Variants in A2M observed in about 807,000 individuals in gnomAD.
A2M encodes the protein C3 and PZP-like alpha-2-macroglobulin domain-containing protein 5.
A neutral mutation model predicts 183.9 loss-of-function variants in A2M; 128 were observed. The observed-to-expected ratio is 0.70, with a 90% confidence interval of 0.60 to 0.81. A2M has a LOEUF of 0.81. Among genes scored for constraint, A2M ranks in the 30% least tolerant of loss-of-function variants. The pLI, the probability that A2M is intolerant of heterozygous loss-of-function variation, is 0.00. For missense variants in A2M, 1,495 were observed against 1,787.6 expected (o/e 0.84, Z 2.95); for synonymous variants, 592 against 670.8 (o/e 0.88, Z 1.81).
At chr12:9,107,963 C>CAAACA (rs1040596963) in intron 7 of A2M, among the ~76,000 whole-genome samples, 2 of 151,472 alleles carry the variant, frequency 1.3e-5, no homozygotes, top group African/African-American at 4.9e-5. Context: ...CAAGACGAAA[C>CAAACA]AAACAAAACA....
intron 23 of A2M, 69 bp from the exon 24 acceptor site, chr12:9,079,884 A>T: frequency 7.3e-7 from 1 of 1,377,770 alleles, no homozygotes; most frequent in Non-Finnish European, 9.6e-7. Flanking sequence ...ATTAAGCAGA[A>T]ATAATTAGTT....
At chr12:9,111,985 TA>T (rs1938761489) in intron 4 of A2M, 173 bp downstream of exon 4, 1 of 777,328 alleles carries the variant, frequency 1.3e-6, no homozygotes, top group South Asian at 1.4e-5. Flanking sequence ...AAGAATTACC[TA>T]CTTTCTTTAC....
intron 22 of A2M, among the ~76,000 whole-genome samples, chr12:9,082,718 C>T (rs751834350): frequency 6.6e-6 from 1 of 152,152 alleles, no homozygotes; most frequent in Non-Finnish European, 1.5e-5. Context: ...AAATAAAGAT[C>T]TATGAAATCA....
intron 4 of A2M, among the ~76,000 whole-genome samples, chr12:9,111,185 A>G (rs191243485): frequency 6.6e-6 from 1 of 152,342 alleles, no homozygotes; most frequent in East Asian, 1.9e-4. Context: ...ACTAATCTTT[A>G]TTAAGTACCT....
intron 33 of A2M, 68 bp downstream of exon 33, chr12:9,069,677 C>T: frequency 5.7e-6 from 7 of 1,221,826 alleles, no homozygotes; most frequent in South Asian, 3.0e-5. Context: ...ATGCATTTAC[C>T]TTCCCAGATG....
chr12:9,095,862 C>T (rs1949364425), intron 15 of A2M, among the ~76,000 whole-genome samples, 162 bp from the exon 16 acceptor site: 5 of 150,486 alleles, frequency 3.3e-5, no homozygotes, highest in Admixed American at 3.3e-4. Flanking sequence ...CGGGTTCACG[C>T]CATTCTCCTG....
chr12:9,112,145 A>G lies in A2M; in HGVS notation c.483+14T>C, dbSNP rs776737255. ...ATACAGACAATCATTTTATGTAGAT[A>G]ATAGAAAACTCACCAACTCATTCAG... On this transcript the variant is annotated intron_variant, in intron 4 of 35. Transcript: ENST00000318602. 2 of 1,613,060 alleles carry G rather than the reference A, an allele frequency of 1.2e-6. No homozygotes were observed. Among genetic ancestry groups the G allele is most frequent in the Non-Finnish European group, 1.7e-6 (2 of 1,179,088 alleles).
At chr12:9,101,722 G>C in intron 11 of A2M, 48 bp from the exon 12 acceptor site, 1 of 1,414,050 alleles carries the variant, frequency 7.1e-7, no homozygotes, top group Non-Finnish European at 9.7e-7. Context: ...ACGTCATAAA[G>C]ATTAATGTTC....
Position 9,077,390 on chromosome 12 carries a change from C to A in A2M, c.3307G>T (p.Ala1103Ser). The change falls in exon 27 of 36, where the codon GCC becomes TCC. Residue 1103 changes from alanine (A) to serine (S), a missense_variant. By Grantham distance (99) the Ala-to-Ser change is moderately conservative (BLOSUM62 1). Transcript: ENST00000318602. ...GGVEDEVTLS[A>S]YITIALLEIP... ...TCCAGAAGGGCGATGGTGATATAGG[C>A]GGAGAGGGTCACTTCATCTTCTACT... is the stretch of plus-strand genomic sequence containing the variant. 2.5e-6 allele frequency: 4 copies of A among 1,613,442 alleles called. No individual in the cohort carries two copies. The highest frequency in any genetic ancestry group is 3.4e-6 in the Non-Finnish European group (4 of 1,179,760).
Position 9,068,816 on chromosome 12 carries a change from G to A in A2M, c.4290C>T (p.Phe1430=). The A allele has an allele frequency of 1.2e-6, 2 of 1,605,912 alleles. No individual in the cohort carries two copies. Among genetic ancestry groups the A allele is most frequent in the Non-Finnish European group, 1.7e-6 (2 of 1,176,390 alleles). ...DKVSNQTLSL[F]FTVLQDVPVR... ...CTGGGACATCTTGCAGAACCGTGAAGAACAAGCTCAGTGTCTGATTTGACA... is the reference window on the plus strand; with the variant it reads ...CTGGGACATCTTGCAGAACCGTGAAAAACAAGCTCAGTGTCTGATTTGACA... Residue 1430 remains phenylalanine (F), a synonymous_variant, in exon 34 of 36, where the codon TTC becomes TTT. Coordinates refer to ENST00000318602, the MANE Select transcript of A2M (RefSeq NM_000014.6).
chr12:9,073,372 A>G (rs1489222294), intron 29 of A2M, among the ~76,000 whole-genome samples: 1 of 152,208 alleles, frequency 6.6e-6, no homozygotes, highest in East Asian at 1.9e-4. Context: ...ATAAAAGATG[A>G]GTATTATAAT....
intron 17 of A2M, among the ~76,000 whole-genome samples, chr12:9,093,846 T>C (rs975414969): frequency 1.1e-4 from 17 of 148,378 alleles, no homozygotes; most frequent in Non-Finnish European, 1.0e-4. Context: ...ACGGCGCCAC[T>C]GCACTCCAGC....
rs775701601 is a variant in A2M, at chr12:9,070,476, T to C, written c.4194+12A>G. ...AATAAAATAGGGCAGTCTGGGGTTA[T>C]GATAAACCTACCATTTTCACTGTTG... On this transcript the variant is annotated intron_variant, in intron 32 of 35. Transcript: ENST00000318602. The C allele has an allele frequency of 1.3e-6, 2 of 1,598,426 alleles. No individual in the cohort carries two copies. The highest frequency in any genetic ancestry group is 2.2e-5 in the South Asian group (2 of 90,390).
chr12:9,084,619 A>G (rs1387934179), intron 22 of A2M, among the ~76,000 whole-genome samples: 1 of 152,168 alleles, frequency 6.6e-6, no homozygotes, highest in Non-Finnish European at 1.5e-5. Flanking sequence ...GCAAAAGAGG[A>G]ACAAAGAAGC....
At position 9,072,754 on chromosome 12, in the gene A2M, C is replaced by G; in HGVS notation, c.3874G>C (p.Val1292Leu). 1 of 1,614,198 alleles carries G rather than the reference C, an allele frequency of 6.2e-7. No individual in the cohort carries two copies. Among genetic ancestry groups the G allele is most frequent in the Non-Finnish European group, 8.5e-7 (1 of 1,180,032 alleles). Residue 1292 changes from valine to leucine, a missense_variant, in exon 30 of 36, where the codon GTG becomes CTG. Coordinates refer to ENST00000318602, the MANE Select transcript of A2M (RefSeq NM_000014.6). ...SSGTFSSKFQVDNNNRLLLQQ... is the reference protein window; with the variant it reads ...SSGTFSSKFQLDNNNRLLLQQ... ...AGTAACAGGCGGTTGTTGTTGTCCA[C>G]TTGGAATTTGCTGGAAAATGTCCCT...
chr12:9,106,436 G>T, intron 9 of A2M, 55 bp downstream of exon 9: 1 of 1,431,398 alleles, frequency 7.0e-7, no homozygotes, highest in Non-Finnish European at 9.7e-7. Flanking sequence ...TCATTATTTG[G>T]CTAAGAAAAT....
chr12:9,088,849 A>G (rs897170506), intron 22 of A2M, among the ~76,000 whole-genome samples: 3 of 152,222 alleles, frequency 2.0e-5, no homozygotes, highest in African/African-American at 7.2e-5. Flanking sequence ...AGAATGCCCT[A>G]AATTCAGCCG....
intron 33 of A2M, among the ~76,000 whole-genome samples, chr12:9,069,309 C>T (rs915100932): frequency 1.3e-5 from 2 of 152,184 alleles, no homozygotes; most frequent in Non-Finnish European, 2.9e-5. Flanking sequence ...TCTATAAAAT[C>T]AGATTGGTTT....
chr12:9,080,005 A>G, intron 23 of A2M, 89 bp downstream of exon 23: 1 of 966,166 alleles, frequency 1.0e-6, no homozygotes, highest in Non-Finnish European at 1.5e-6. Flanking sequence ...TTAAAATTAT[A>G]GTATTATTTT....
Sources: gnomAD v4.1 joint callset for allele counts (sites outside exome capture counted in the v4.1 genomes callset) on GRCh38, gnomAD v4.1.1 for gene constraint, MANE v1.5 for transcripts, NCBI Gene and HGNC (gene_info 2026-07-23, HGNC 2026-07-21) for gene names.